Variants in UIMC1 observed in about 807,000 individuals in gnomAD.
The protein encoded by UIMC1 is BRCA1-A complex subunit RAP80.
UIMC1 carries 42 observed loss-of-function variants against 84.9 expected under a neutral mutation model. That is an observed-to-expected ratio of 0.49 (90% confidence interval 0.39 to 0.64). The LOEUF (loss-of-function observed/expected upper bound fraction) is 0.64, where lower values mean the gene tolerates loss of function less well. Ranked by LOEUF, UIMC1 falls within the 30% of genes least tolerant of loss-of-function variation. The pLI is 0.00. For synonymous variants in UIMC1, 281 were observed against 293.0 expected (o/e 0.96, Z 0.42); for missense variants, 825 against 847.6 (o/e 0.97, Z 0.33).
At chr5:176,935,885 T>C (rs756555300) in intron 10 of UIMC1, among the ~76,000 whole-genome samples, 2 of 152,134 alleles carry the variant, frequency 1.3e-5, no homozygotes, top group Non-Finnish European at 2.9e-5. Flanking sequence ...CATCCACCAT[T>C]ATTTTTCCAG....
intron 10 of UIMC1, among the ~76,000 whole-genome samples, chr5:176,929,785 T>C (rs577805583): frequency 6.6e-6 from 1 of 152,212 alleles, no homozygotes; most frequent in South Asian, 2.1e-4. Flanking sequence ...ATACCAAAGA[T>C]AAACTAGCCA....
intron 9 of UIMC1, among the ~76,000 whole-genome samples, chr5:176,943,785 T>C (rs1283317709): frequency 6.6e-6 from 1 of 152,230 alleles, no homozygotes; most frequent in Non-Finnish European, 1.5e-5. Context: ...AAACACTCTA[T>C]ATGTATTACT....
chr5:176,928,056 C>G (rs2149418240), intron 10 of UIMC1, among the ~76,000 whole-genome samples: 1 of 152,248 alleles, frequency 6.6e-6, no homozygotes, highest in Non-Finnish European at 1.5e-5. Context: ...GTTGGCCAGG[C>G]TGGTCTCGAA....
intron 10 of UIMC1, among the ~76,000 whole-genome samples, chr5:176,934,125 C>T (rs62402804): frequency 0.14 from 21,483 of 152,014 alleles, 1,770 homozygotes; most frequent in East Asian, 0.19. Context: ...GTCTTTTAGG[C>T]CCCTCCTCCC....
chr5:176,907,247 G>T, intron 12 of UIMC1, 70 bp from the exon 13 acceptor site: 2 of 1,406,678 alleles, frequency 1.4e-6, no homozygotes, highest in Non-Finnish European at 2.0e-6. Context: ...CCACAGCCCA[G>T]ATCACACGTG....
At chr5:176,967,361 A>G (rs895528484) in intron 6 of UIMC1, among the ~76,000 whole-genome samples, 1 of 152,188 alleles carries the variant, frequency 6.6e-6, no homozygotes, top group Non-Finnish European at 1.5e-5. Flanking sequence ...TTAAATGAAA[A>G]AAGTAGAAAA....
intron 10 of UIMC1, among the ~76,000 whole-genome samples, chr5:176,925,804 A>T (rs1028594280): frequency 6.6e-6 from 1 of 152,168 alleles, no homozygotes; most frequent in Non-Finnish European, 1.5e-5. Context: ...TTCCAGGGTG[A>T]TATTAATGCT....
Position 176,907,146 on chromosome 5 carries a change from C to CTT in UIMC1, c.1879_1880insAA (p.Ser627LysfsTer49). 1 of 1,613,922 alleles carries CTT rather than the reference C, an allele frequency of 6.2e-7. No individual in the cohort carries two copies. The highest frequency in any genetic ancestry group is 8.5e-7 in the Non-Finnish European group (1 of 1,179,868). ...CTTGTGCTCAGACTGTTCCAAGAAA[C>CTT]TAAGGAGTCGGCCTTCACTGTGGCC... On this transcript the variant is annotated frameshift_variant, in exon 13 of 15. Transcript: ENST00000511320. LOFTEE classifies it high-confidence loss of function.
intron 14 of UIMC1, 27 bp from the exon 15 acceptor site, chr5:176,905,519 T>C (rs753272548): frequency 9.3e-6 from 15 of 1,604,692 alleles, no homozygotes; most frequent in Admixed American, 1.7e-5. Context: ...AAATTCAGAT[T>C]CAATATACAC....
intron 1 of UIMC1, among the ~76,000 whole-genome samples, chr5:177,020,831 C>A (rs1398463836): frequency 6.6e-5 from 10 of 152,170 alleles, no homozygotes; most frequent in Non-Finnish European, 7.3e-5. Context: ...CTCAAAATAT[C>A]ATCTAGCTCA....
At chr5:176,947,305 G>A (rs1383817506) in intron 9 of UIMC1, among the ~76,000 whole-genome samples, 1 of 152,128 alleles carries the variant, frequency 6.6e-6, no homozygotes, top group Non-Finnish European at 1.5e-5. Flanking sequence ...CTTTTATTAG[G>A]ACCATGCAGT....
chr5:176,905,367 A>G lies in UIMC1; in HGVS notation c.2075T>C (p.Leu692Ser). The G allele has an allele frequency of 6.2e-7, 1 of 1,614,176 alleles. No individual in the cohort carries two copies. Among genetic ancestry groups the G allele is most frequent in the Non-Finnish European group, 8.5e-7 (1 of 1,180,012 alleles). Residue 692 changes from leucine (L) to serine (S), a missense_variant, in exon 15 of 15, where the codon TTA becomes TCA. Transcript: ENST00000511320. Reference protein sequence around the residue: ...FVSISEATDCLVDFKKQVTVQ... With the variant: ...FVSISEATDCSVDFKKQVTVQ... ...AGTAACTTGCTTTTTAAAGTCCACTAAGCAATCTGTGGCTTCTGAAATGGA... is the reference window on the plus strand; with the variant it reads ...AGTAACTTGCTTTTTAAAGTCCACTGAGCAATCTGTGGCTTCTGAAATGGA...
chr5:176,957,503 GAGGTA>G (rs1221726951), intron 7 of UIMC1, among the ~76,000 whole-genome samples: 4 of 152,154 alleles, frequency 2.6e-5, no homozygotes, highest in Admixed American at 2.6e-4. Context: ...AACAATGGAG[GAGGTA>G]ATGCAAATAC....
At chr5:177,007,116 G>C (rs1029249897), upstream of UIMC1, among the ~76,000 whole-genome samples, 1 of 151,968 alleles carries the variant, frequency 6.6e-6, no homozygotes. Context: ...AGAGGCGGGC[G>C]GATTACCTGA....
At chr5:176,985,055 C>G (rs1323053548) in intron 1 of UIMC1, among the ~76,000 whole-genome samples, 1 of 152,030 alleles carries the variant, frequency 6.6e-6, no homozygotes, top group African/African-American at 2.4e-5. Context: ...CCTGCCACAT[C>G]CCCCTCTCCA....
intron 10 of UIMC1, among the ~76,000 whole-genome samples, chr5:176,912,812 G>C (rs148452835): frequency 1.3e-5 from 2 of 151,840 alleles, no homozygotes; most frequent in Non-Finnish European, 2.9e-5. Flanking sequence ...ATTTACAGGC[G>C]CCCGCCACGA....
intron 10 of UIMC1, among the ~76,000 whole-genome samples, chr5:176,914,064 T>TACCAC (rs1354938619): frequency 8.2e-6 from 1 of 122,590 alleles, no homozygotes; most frequent in African/African-American, 5.1e-5. Context: ...TACCATACCA[T>TACCAC]ACCATACCAC....
At chr5:176,981,266 T>C (rs1291295601) in intron 2 of UIMC1, among the ~76,000 whole-genome samples, 1 of 149,736 alleles carries the variant, frequency 6.7e-6, no homozygotes, top group Non-Finnish European at 1.5e-5. Context: ...TGACTCAGCC[T>C]CCAAAGTAGC....
chr5:176,942,768 G>A (rs1462807070), intron 10 of UIMC1, among the ~76,000 whole-genome samples: 1 of 132,640 alleles, frequency 7.5e-6, no homozygotes, highest in East Asian at 2.2e-4. Flanking sequence ...AAAAAAAAAA[G>A]GTTGGGCCAG....
Sources: allele counts gnomAD v4.1 joint callset (sites outside exome capture counted in the v4.1 genomes callset), GRCh38; gene constraint gnomAD v4.1.1; transcripts MANE v1.5; gene names NCBI Gene and HGNC (gene_info 2026-07-23, HGNC 2026-07-21).